Variants in ABCG5 observed in about 807,000 individuals in gnomAD.
ABCG5 encodes the protein ATP binding cassette subfamily G member 5.
In ABCG5, 64 loss-of-function variants were observed where a neutral mutation model predicts 64.5. The ratio of observed to expected loss-of-function variants is 0.99; its 90% confidence interval spans 0.81 to 1.22. ABCG5 has a LOEUF of 1.22. Among genes scored for constraint, ABCG5 ranks in the 50% most tolerant of loss-of-function variants. ABCG5 has a pLI of 0.00. For missense variants in ABCG5, 908 were observed against 829.5 expected, an observed-to-expected ratio of 1.09 and a Z score of -1.16; for synonymous variants, 385 against 326.3, an observed-to-expected ratio of 1.18 and a Z score of -1.94.
chr2:43,811,568 CAGAA>C (rs1424222878), downstream of ABCG5, among the ~76,000 whole-genome samples: 2 of 152,000 alleles, frequency 1.3e-5, no homozygotes, highest in Non-Finnish European at 2.9e-5. Flanking sequence ...GAAGATCAAT[CAGAA>C]AGAGAATCAG....
chr2:43,836,518 T>C (rs910582515), intron 2 of ABCG5, among the ~76,000 whole-genome samples: 2 of 152,208 alleles, frequency 1.3e-5, no homozygotes, highest in African/African-American at 2.4e-5. Flanking sequence ...GGTAATCCAG[T>C]GTAGCAGACA....
chr2:43,829,866 C>T (rs2104855038), intron 4 of ABCG5, among the ~76,000 whole-genome samples: 1 of 152,238 alleles, frequency 6.6e-6, no homozygotes, highest in South Asian at 2.1e-4. Flanking sequence ...GGGTTGACGG[C>T]ATAGATGTAG....
In ABCG5 at chr2:43,838,290, G is replaced by C. The variant is rs968368561; in HGVS notation, c.143+247C>G. ...CACAGAGGGCAGGCCGTAGACACTG[G>C]GTTGGCAGGGCACTGCTGCCACTTT... On this transcript the variant is annotated intron_variant, in intron 1 of 12. Transcript: ENST00000405322. The surrounding 1 kb of genome is among the most constrained non-coding windows in gnomAD (Gnocchi z 4.2). 1 of 600,116 alleles carries C rather than the reference G, an allele frequency of 1.7e-6. No homozygotes were observed. Among genetic ancestry groups the C allele is most frequent in the African/African-American group, 1.9e-5 (1 of 53,820 alleles). The allele number at this position is 600,116 out of a possible 1,614,324, so 37.2% of individuals were successfully genotyped here. A position where few individuals can be genotyped will look rare whatever the true frequency, so the allele number is the denominator to read the frequency against.
intron 11 of ABCG5, among the ~76,000 whole-genome samples, chr2:43,815,790 T>G (rs1204043879): frequency 2.0e-5 from 3 of 151,454 alleles, no homozygotes; most frequent in African/African-American, 7.3e-5. Flanking sequence ...GGCCTTGCTG[T>G]GAGTTGAGGT....
intron 9 of ABCG5, among the ~76,000 whole-genome samples, chr2:43,823,533 G>A (rs1667386301): frequency 2.0e-5 from 3 of 152,148 alleles, no homozygotes; most frequent in South Asian, 2.1e-4. Context: ...GGTGCTGGCT[G>A]TCCTAAAATC....
downstream of ABCG5, among the ~76,000 whole-genome samples, chr2:43,807,634 G>T (rs1413041768): frequency 6.7e-6 from 1 of 149,360 alleles, no homozygotes; most frequent in African/African-American, 2.5e-5. Flanking sequence ...GCCCAGGCTG[G>T]TCTTCAACTC....
rs115647354 is a variant in ABCG5, at chr2:43,825,869, A to G, written c.774+513T>C. On this transcript the variant is annotated intron_variant, in intron 6 of 12. Coordinates refer to ENST00000405322, the MANE Select transcript of ABCG5 (RefSeq NM_022436.3). Reference sequence around the variant, plus strand: ...GAGTGTTGTGCAGATGAAATGAGCTATGTACAGAAAGTATTTGGAACATGG... The same window carrying G: ...GAGTGTTGTGCAGATGAAATGAGCTGTGTACAGAAAGTATTTGGAACATGG... Among the ~76,000 whole-genome samples, 752 of 152,340 alleles carry G rather than the reference A, an allele frequency of 4.9e-3. 9 individuals are homozygous for G. The highest frequency in any genetic ancestry group is 0.017 in the African/African-American group (712 of 41,584).
chr2:43,819,797 A>C, intron 11 of ABCG5, 118 bp downstream of exon 11: 4 of 1,089,414 alleles, frequency 3.7e-6, no homozygotes, highest in Non-Finnish European at 5.6e-6. Context: ...GCTCTAGACT[A>C]TAAGGTAATA....
Position 43,831,940 on chromosome 2 carries a change from C to A in ABCG5, c.402+7G>T. 1 of 1,548,722 alleles carries A rather than the reference C, an allele frequency of 6.5e-7. No homozygotes were observed. Among genetic ancestry groups the A allele is most frequent in the Non-Finnish European group, 8.7e-7 (1 of 1,146,842 alleles). On this transcript the variant is annotated splice_region_variant and intron_variant, in intron 3 of 12. Coordinates refer to ENST00000405322, the MANE Select transcript of ABCG5 (RefSeq NM_022436.3). ...GGGGGGGCCAGGGGTGTGGGGGACG[C>A]GCCCACCTGCAGGACGTAGGAGAAG... is the stretch of plus-strand genomic sequence containing the variant.
intron 11 of ABCG5, among the ~76,000 whole-genome samples, chr2:43,817,738 C>T (rs760869152): frequency 1.5e-4 from 23 of 151,946 alleles, no homozygotes; most frequent in Non-Finnish European, 2.8e-4. Flanking sequence ...GGTGAAACCA[C>T]GTCTCTACTA....
At chr2:43,833,363 A>ATATTATTATTATTATTAT (rs67113914) in intron 2 of ABCG5, among the ~76,000 whole-genome samples, 10 of 144,226 alleles carry the variant, frequency 6.9e-5, no homozygotes, top group Admixed American at 2.8e-4. Flanking sequence ...TTTTGTTGAA[A>ATATTATTATTATTATTAT]TATTATTATT....
At chr2:43,832,183 A>T in intron 2 of ABCG5, 100 bp from the exon 3 acceptor site, 1 of 1,491,730 alleles carries the variant, frequency 6.7e-7, no homozygotes, top group Non-Finnish European at 9.1e-7. Context: ...GCGGGCCATG[A>T]GTGCTACATG....
chr2:43,828,938 C>G (rs574253027), intron 4 of ABCG5, among the ~76,000 whole-genome samples: 5 of 152,064 alleles, frequency 3.3e-5, no homozygotes, highest in East Asian at 1.9e-4. Context: ...GCACTCCAAC[C>G]TGGGTGACAG....
chr2:43,828,500 A>G (rs888528855), intron 4 of ABCG5: 4 of 378,492 alleles, frequency 1.1e-5, no homozygotes, highest in Admixed American at 3.6e-5. Context: ...AAAAGAAAGA[A>G]AAAAACAATA....
At chr2:43,813,452 C>A in intron 12 of ABCG5, 143 bp from the exon 13 acceptor site, 1 of 696,064 alleles carries the variant, frequency 1.4e-6, no homozygotes, top group Non-Finnish European at 2.6e-6. Flanking sequence ...TTTGATGAAG[C>A]AAGAGTGAGC....
In ABCG5 at chr2:43,824,009, T is replaced by C. The variant is rs115590670; in HGVS notation, c.1228A>G (p.Asn410Asp). The change falls in exon 9 of 13, where the codon AAT becomes GAT. Residue 410 changes from asparagine to aspartate, a missense_variant. Coordinates refer to ENST00000405322, the MANE Select transcript of ABCG5 (RefSeq NM_022436.3). Reference sequence around the variant, plus strand: ...TCCTGGATAGCACCCTTTAGCACATTGCTTCGGACCCGCAGAACGAAGAAA... The same window carrying C: ...TCCTGGATAGCACCCTTTAGCACATCGCTTCGGACCCGCAGAACGAAGAAA... ...LLFFVLRVRS[N>D]VLKGAIQDRV... 38 of 1,614,072 alleles carry C rather than the reference T, an allele frequency of 2.4e-5. No individual in the cohort carries two copies. The highest frequency in any genetic ancestry group is 1.6e-4 in the Middle Eastern group (1 of 6,084).
Position 43,831,988 on chromosome 2 carries a change from G to A in ABCG5, c.361C>T (p.Arg121Cys). 1.9e-6 allele frequency: 3 copies of A among 1,554,408 alleles called. No homozygotes were observed. Among genetic ancestry groups the A allele is most frequent in the Non-Finnish European group, 2.6e-6 (3 of 1,148,988 alleles). The change falls in exon 3 of 13, where the codon CGC (arginine) becomes TGC (cysteine). Residue 121 changes from arginine to cysteine, a missense_variant. Coordinates refer to ENST00000405322, the MANE Select transcript of ABCG5 (RefSeq NM_022436.3). ...GEVYVNGRAL[R>C]REQFQDCFSY... Reference sequence around the variant, plus strand: ...AAGCAGTCCTGGAACTGCTCCCGGCGCAGCGCCCGGCCGTTCACATACACC... The same window carrying A: ...AAGCAGTCCTGGAACTGCTCCCGGCACAGCGCCCGGCCGTTCACATACACC...
intron 9 of ABCG5, 127 bp downstream of exon 9, chr2:43,823,786 G>T: frequency 9.1e-7 from 1 of 1,095,216 alleles, no homozygotes; most frequent in Non-Finnish European, 1.3e-6. Context: ...CCCAGAGAGG[G>T]AACCTGGAGA....
At chr2:43,822,548 A>C (rs1667296467) in intron 10 of ABCG5, 3 of 984,142 alleles carry the variant, frequency 3.0e-6, no homozygotes, top group South Asian at 4.7e-5. Flanking sequence ...CCTGCCGTGA[A>C]TGTGGGACAG....
Sources: allele counts gnomAD v4.1 joint callset (sites outside exome capture counted in the v4.1 genomes callset), GRCh38; gene constraint gnomAD v4.1.1; non-coding constraint Gnocchi (gnomAD v3.1); transcripts MANE v1.5; gene names NCBI Gene and HGNC (gene_info 2026-07-23, HGNC 2026-07-21).